The following PLG variants were observed in gnomAD, a reference collection of about 807,000 sequenced individuals.
The protein encoded by PLG is plasmin.
Under a neutral mutation model 104.4 loss-of-function variants are expected in PLG, and 41 were observed. The observed-to-expected ratio is 0.39, with a 90% CI of 0.31 to 0.51. PLG has a LOEUF of 0.51. Among genes scored for constraint, PLG ranks in the 20% least tolerant of loss-of-function variants. PLG has a pLI of 0.76. For synonymous variants in PLG, 337 were observed against 357.1 expected, an observed-to-expected ratio of 0.94 and a Z score of 0.63; for missense variants, 891 against 1,003.6, an observed-to-expected ratio of 0.89 and a Z score of 1.52.
rs773735177 is a variant in PLG, at chr6:160,711,063, G to T, written c.293-14G>T. On this transcript the variant is annotated splice_polypyrimidine_tract_variant and intron_variant, in intron 3 of 18. Transcript: ENST00000308192. ...TTGTGAAAGACTTTGACCACTGTGT[G>T]GACTTCCCTTCAGTGTATCTCTCAG... is the stretch of plus-strand genomic sequence containing the variant. 6.2e-6 allele frequency: 10 copies of T among 1,612,642 alleles called. No individual in the cohort carries two copies. Among genetic ancestry groups the T allele is most frequent in the Non-Finnish European group, 5.9e-6 (7 of 1,178,882 alleles).
At position 160,738,384 on chromosome 6, in the gene PLG, A is replaced by G; in HGVS notation, c.1803-154A>G. 1.5e-6 allele frequency: 1 copy of G among 679,654 alleles called. No homozygotes were observed. Among genetic ancestry groups the G allele is most frequent in the Non-Finnish European group, 2.7e-6 (1 of 369,534 alleles). 42.1% of individuals were successfully genotyped at this position (679,654 alleles called of 1,614,324 possible). A position where few individuals can be genotyped will look rare whatever the true frequency, so the allele number is the denominator to read the frequency against. On this transcript the variant is annotated intron_variant, in intron 14 of 18. Transcript: ENST00000308192. This position sits in a 1 kb window ranked among gnomAD's most constrained non-coding sequence, Gnocchi z 6.8. ...AATCCCACTCCTGGAGCACTGGCCA[A>G]AATTACTACCATCCTGATGCTGGGC...
At chr6:160,710,487 G>T (rs970724840) in intron 3 of PLG, among the ~76,000 whole-genome samples, 1 of 151,870 alleles carries the variant, frequency 6.6e-6, no homozygotes, top group East Asian at 1.9e-4. Context: ...AGGGCCCGTT[G>T]TCTAACTGGT....
rs2115159134 is a variant in PLG at position 160,713,869 on chromosome 6, A to G, written c.547+744A>G. On this transcript the variant is annotated intron_variant, in intron 5 of 18. Coordinates refer to ENST00000308192, the MANE Select transcript of PLG (RefSeq NM_000301.5). ...ATAGTGCACCTCAAAGGTCAATGCT[A>G]AAAAATTTTAAAAAAATCCTACTGA... Among the ~76,000 whole-genome samples the G allele has an allele frequency of 2.0e-5, 3 of 152,320 alleles. No homozygotes were observed. In the South Asian group the frequency reaches 6.2e-4, roughly 32 times the overall value.
Position 160,716,687 on chromosome 6 carries a change from C to G in PLG, c.711C>G (p.Pro237=). ...TGAAGAAGAATTACTGTCGTAACCC[C>G]GATAGGGAGCTGCGGCCTTGGTGTT... ...KNLKKNYCRN[P]DRELRPWCFT... The change falls in exon 7 of 19, where the codon CCC becomes CCG. Residue 237 remains proline (P), a synonymous_variant. Coordinates refer to ENST00000308192, the MANE Select transcript of PLG (RefSeq NM_000301.5). 6.2e-7 allele frequency: 1 copy of G among 1,613,458 alleles called. No homozygotes were observed. Among genetic ancestry groups the G allele is most frequent in the Non-Finnish European group, 8.5e-7 (1 of 1,179,376 alleles).
At chr6:160,750,089 A>G (rs1301973160) in intron 17 of PLG, among the ~76,000 whole-genome samples, 1 of 152,198 alleles carries the variant, frequency 6.6e-6, no homozygotes, top group African/African-American at 2.4e-5. Flanking sequence ...CATTGAAGCA[A>G]TGGGTGTTCT....
intron 8 of PLG, 111 bp from the exon 9 acceptor site, chr6:160,718,582 T>C (rs1562374878): frequency 2.9e-6 from 4 of 1,373,136 alleles, no homozygotes; most frequent in East Asian, 2.3e-5. Context: ...TAGTCATAAG[T>C]AAAGGAAATG....
rs1225443963 is a variant in PLG, at chr6:160,718,421, C to T, written c.915C>T (p.His305=). Residue 305 remains histidine, a synonymous_variant, in exon 8 of 19, where the codon CAC becomes CAT. Coordinates refer to ENST00000308192, the MANE Select transcript of PLG (RefSeq NM_000301.5). ...TCQHWSAQTP[H]THNRTPENFP... ...AGCACTGGAGTGCACAGACCCCTCA[C>T]ACACATAACAGGACACCAGAAAACT... 1 of 1,613,652 alleles carries T rather than the reference C, an allele frequency of 6.2e-7. No individual in the cohort carries two copies. The highest frequency in any genetic ancestry group is 8.5e-7 in the Non-Finnish European group (1 of 1,179,536).
rs1778101428 is a variant in PLG, at chr6:160,737,385, G to A, written c.1802+378G>A. ...AGTTTTTAGAAATGTGACACTTTCTGGGTTGGGAGAGCAAGGACAAAATTA... is the reference window on the plus strand; with the variant it reads ...AGTTTTTAGAAATGTGACACTTTCTAGGTTGGGAGAGCAAGGACAAAATTA... On this transcript the variant is annotated intron_variant, in intron 14 of 18. Coordinates refer to ENST00000308192, the MANE Select transcript of PLG (RefSeq NM_000301.5). The surrounding 1 kb of genome is among the most constrained non-coding windows in gnomAD (Gnocchi z 4.7). 6.6e-6 allele frequency among the ~76,000 whole-genome samples: 1 copy of A among 152,152 alleles called. No homozygotes were observed. The highest frequency in any genetic ancestry group is 2.4e-5 in the African/African-American group (1 of 41,430).
intron 17 of PLG, among the ~76,000 whole-genome samples, chr6:160,742,216 A>T (rs1036166522): frequency 6.6e-6 from 1 of 152,182 alleles, no homozygotes; most frequent in Non-Finnish European, 1.5e-5. Context: ...TTCTGCTTTT[A>T]GCTCTTTGAG....
intron 6 of PLG, among the ~76,000 whole-genome samples, chr6:160,716,444 A>C (rs1777731614): frequency 6.6e-6 from 1 of 152,164 alleles, no homozygotes; most frequent in Non-Finnish European, 1.5e-5. Flanking sequence ...TCTAAAAACA[A>C]ACAAAAAAAA....
At chr6:160,710,097 C>T (rs1187386577) in intron 3 of PLG, among the ~76,000 whole-genome samples, 1 of 152,160 alleles carries the variant, frequency 6.6e-6, no homozygotes, top group African/African-American at 2.4e-5. Flanking sequence ...CATATCTCGA[C>T]ATTTATTAAT....
chr6:160,702,432 T>C (rs1308208102), intron 1 of PLG, 79 bp downstream of exon 1: 32 of 1,336,258 alleles, frequency 2.4e-5, no homozygotes, highest in Non-Finnish European at 3.3e-5. Context: ...CATGGCTTTA[T>C]GTGCAATTCA....
At chr6:160,712,741 A>G (rs1248960594) in intron 4 of PLG, among the ~76,000 whole-genome samples, 1 of 152,216 alleles carries the variant, frequency 6.6e-6, no homozygotes, top group Non-Finnish European at 1.5e-5. Context: ...CTGACTGTGC[A>G]ATAAAAATAT....
rs376884407 is a variant in PLG, at chr6:160,716,627, T to C, written c.669-18T>C. ...ATGTAAATGTTCAGTGCTACTAAAA[T>C]CTTTCTTGTCCATTCAGATTTCCAA... is the stretch of plus-strand genomic sequence containing the variant. On this transcript the variant is annotated intron_variant, in intron 6 of 18. Transcript: ENST00000308192. 1.8e-5 allele frequency: 25 copies of C among 1,386,234 alleles called. No individual in the cohort carries two copies. In the African/African-American group the frequency reaches 3.5e-4, roughly 20 times the overall value. The allele number at this position is 1,386,234 out of a possible 1,614,324, so 85.9% of individuals were successfully genotyped here. A position where few individuals can be genotyped will look rare whatever the true frequency, so the allele number is the denominator to read the frequency against.
At position 160,735,048 on chromosome 6, in the gene PLG, G is replaced by A. The variant is rs1009834164; in HGVS notation, c.1681+960G>A. Among the ~76,000 whole-genome samples, 1 of 151,234 alleles carries A rather than the reference G, an allele frequency of 6.6e-6. No homozygotes were observed. The highest frequency in any genetic ancestry group is 1.9e-4 in the East Asian group (1 of 5,184). ...TTTGGGCTTCTCCTAGGGACACCAA[G>A]AGGGAGGAAGGAGGGGTTAGGATGG... On this transcript the variant is annotated intron_variant, in intron 13 of 18. Coordinates refer to ENST00000308192, the MANE Select transcript of PLG (RefSeq NM_000301.5). This position sits in a 1 kb window ranked among gnomAD's most constrained non-coding sequence, Gnocchi z 5.4.
At chr6:160,722,139 C>T (rs560555448) in intron 9 of PLG, among the ~76,000 whole-genome samples, 4 of 152,214 alleles carry the variant, frequency 2.6e-5, no homozygotes, top group African/African-American at 9.6e-5. Context: ...CAGTAGGGAC[C>T]CATAAAAAAG....
intron 17 of PLG, among the ~76,000 whole-genome samples, chr6:160,749,423 C>T (rs1383638951): frequency 6.6e-6 from 1 of 150,522 alleles, no homozygotes; most frequent in Non-Finnish European, 1.5e-5. Flanking sequence ...ACTACCACTA[C>T]CAACACCATC....
intron 17 of PLG, among the ~76,000 whole-genome samples, chr6:160,745,564 T>C (rs1778264492): frequency 6.6e-6 from 1 of 152,200 alleles, no homozygotes; most frequent in Non-Finnish European, 1.5e-5. Context: ...GATGGGTCTC[T>C]TGAAGGTAGC....
Position 160,731,803 on chromosome 6 carries a change from G to A in PLG, c.1497G>A (p.Gly499=). The A allele has an allele frequency of 2.5e-6, 4 of 1,614,030 alleles. No individual in the cohort carries two copies. The highest frequency in any genetic ancestry group is 3.4e-6 in the Non-Finnish European group (4 of 1,179,912). The change falls in exon 12 of 19, where the codon GGG becomes GGA. Residue 499 remains glycine, a synonymous_variant. Transcript: ENST00000308192. The surrounding 1 kb of genome is among the most constrained non-coding windows in gnomAD (Gnocchi z 5.1). ...GCAAGAGGGCGACCACTGTTACTGGGACGCCATGCCAGGACTGGGCTGCCC... is the reference window on the plus strand; with the variant it reads ...GCAAGAGGGCGACCACTGTTACTGGAACGCCATGCCAGGACTGGGCTGCCC... ...YRGKRATTVT[G]TPCQDWAAQE...
Sources: allele counts gnomAD v4.1 joint callset (sites outside exome capture counted in the v4.1 genomes callset), GRCh38; gene constraint gnomAD v4.1.1; non-coding constraint Gnocchi (gnomAD v3.1); transcripts MANE v1.5; gene names NCBI Gene and HGNC (gene_info 2026-07-23, HGNC 2026-07-21).